The following KCNAB1 variants were observed in gnomAD, a reference collection of about 807,000 sequenced individuals.
The protein encoded by KCNAB1 is potassium voltage-gated channel subfamily A regulatory beta subunit 1.
In KCNAB1, 35 loss-of-function variants were observed where a neutral mutation model predicts 64.6. That is an observed-to-expected ratio of 0.54 (90% CI 0.41 to 0.72). KCNAB1 has a LOEUF of 0.72. KCNAB1 is among the 30% of genes least tolerant of loss of function. The pLI is 0.00. For synonymous variants in KCNAB1, 177 were observed against 183.8 expected, an observed-to-expected ratio of 0.96 and a Z score of 0.30; for missense variants, 401 against 512.9, an observed-to-expected ratio of 0.78 and a Z score of 2.11.
chr3:156,273,267 G>A (rs1293365135), intron 1 of KCNAB1, among the ~76,000 whole-genome samples: 2 of 152,206 alleles, frequency 1.3e-5, no homozygotes, highest in Non-Finnish European at 2.9e-5. Flanking sequence ...CTGGCTCTGA[G>A]CACAGCATAG....
intron 7 of KCNAB1, 47 bp from the exon 8 acceptor site, chr3:156,474,687 G>C: frequency 7.5e-7 from 1 of 1,337,066 alleles, no homozygotes; most frequent in Non-Finnish European, 1.1e-6. Flanking sequence ...ACTCTGAATA[G>C]TGCTCATATT....
In KCNAB1 at chr3:156,123,642, C is replaced by T. The variant is rs527379373; in HGVS notation, c.275+2756C>T. Reference sequence around the variant, plus strand: ...ACAATCTAATATACTTTGCTTAATACAGATTTATTGTTCATCTAGAGTTGA... The same window carrying T: ...ACAATCTAATATACTTTGCTTAATATAGATTTATTGTTCATCTAGAGTTGA... On this transcript the variant is annotated intron_variant, in intron 1 of 13. Transcript: ENST00000490337. Among the ~76,000 whole-genome samples, 6 of 152,260 alleles carry T rather than the reference C, an allele frequency of 3.9e-5. 1 individual carries two copies. Among genetic ancestry groups the T allele is most frequent in the African/African-American group, 1.2e-4 (5 of 41,542 alleles).
At chr3:156,526,418 A>G (rs1028888975) in intron 12 of KCNAB1, among the ~76,000 whole-genome samples, 4 of 152,364 alleles carry the variant, frequency 2.6e-5, no homozygotes, top group South Asian at 2.1e-4. Context: ...CTTTAACCCA[A>G]TATAGCCAAA....
At chr3:156,408,636 C>T (rs1011925529) in intron 1 of KCNAB1, among the ~76,000 whole-genome samples, 6 of 151,888 alleles carry the variant, frequency 4.0e-5, no homozygotes, top group South Asian at 4.2e-4. Flanking sequence ...AAAAATTAGC[C>T]GGGTGTGGTG....
At chr3:156,128,536 T>C (rs1038683994) in intron 1 of KCNAB1, among the ~76,000 whole-genome samples, 1 of 152,204 alleles carries the variant, frequency 6.6e-6, no homozygotes, top group Non-Finnish European at 1.5e-5. Flanking sequence ...GTATCCTTGT[T>C]TATAAAATGT....
At chr3:156,436,252 C>T (rs1045750756) in intron 2 of KCNAB1, among the ~76,000 whole-genome samples, 1 of 152,106 alleles carries the variant, frequency 6.6e-6, no homozygotes, top group Admixed American at 6.5e-5. Context: ...CATCTCATTC[C>T]TTTTTATGGC....
intron 1 of KCNAB1, among the ~76,000 whole-genome samples, chr3:156,219,432 T>C (rs1233310768): frequency 6.6e-6 from 1 of 151,936 alleles, no homozygotes; most frequent in Non-Finnish European, 1.5e-5. Flanking sequence ...ATTTAAAAAA[T>C]GAACAAAACC....
chr3:156,124,383 A>AT (rs1213645633), intron 1 of KCNAB1, among the ~76,000 whole-genome samples: 3 of 151,776 alleles, frequency 2.0e-5, no homozygotes, highest in Admixed American at 6.5e-5. Context: ...CGCCCAGCTA[A>AT]TTTTTGTATT....
intron 2 of KCNAB1, among the ~76,000 whole-genome samples, chr3:156,429,338 C>T (rs1379827124): frequency 1.3e-5 from 2 of 152,142 alleles, no homozygotes; most frequent in Admixed American, 1.3e-4. Flanking sequence ...GAGGCATTTC[C>T]AACTGGACTG....
At chr3:156,292,180 C>T (rs970144581) in intron 1 of KCNAB1, 3 of 1,578,592 alleles carry the variant, frequency 1.9e-6, no homozygotes, top group Non-Finnish European at 2.6e-6. Flanking sequence ...TATACAGGTG[C>T]AGTGGAGACA....
chr3:156,305,450 C>A (rs776116431), intron 1 of KCNAB1, among the ~76,000 whole-genome samples: 11 of 152,182 alleles, frequency 7.2e-5, no homozygotes, highest in Admixed American at 4.6e-4. Flanking sequence ...GATTGCATTA[C>A]AATACAACCC....
chr3:156,512,520 T>C (rs1717281329), intron 8 of KCNAB1, among the ~76,000 whole-genome samples: 1 of 152,236 alleles, frequency 6.6e-6, no homozygotes, highest in African/African-American at 2.4e-5. Context: ...ACCTAGTAGA[T>C]ACTGTTGATT....
intron 2 of KCNAB1, among the ~76,000 whole-genome samples, chr3:156,448,318 T>C (rs1200705996): frequency 6.6e-6 from 1 of 152,206 alleles, no homozygotes; most frequent in African/African-American, 2.4e-5. Context: ...CATGTTCTCA[T>C]TAGAGGGAGA....
chr3:156,148,624 T>C (rs993517289), intron 1 of KCNAB1, among the ~76,000 whole-genome samples: 5 of 152,220 alleles, frequency 3.3e-5, no homozygotes, highest in African/African-American at 1.2e-4. Flanking sequence ...AAGTCACATA[T>C]GTGAAAGTGC....
At chr3:156,226,688 A>G (rs1382767761) in intron 1 of KCNAB1, among the ~76,000 whole-genome samples, 2 of 142,626 alleles carry the variant, frequency 1.4e-5, no homozygotes, top group Non-Finnish European at 3.0e-5. Context: ...TTCCCCAAAA[A>G]CCTATTGAAA....
intron 2 of KCNAB1, among the ~76,000 whole-genome samples, chr3:156,444,989 G>A (rs774907829): frequency 2.0e-5 from 3 of 152,152 alleles, no homozygotes; most frequent in Non-Finnish European, 2.9e-5. Flanking sequence ...AAGAAGAAAG[G>A]CAAGTCAGGG....
At chr3:156,397,712 T>A (rs1409700573) in intron 1 of KCNAB1, among the ~76,000 whole-genome samples, 1 of 152,176 alleles carries the variant, frequency 6.6e-6, no homozygotes, top group African/African-American at 2.4e-5. Flanking sequence ...CAGGGACCCA[T>A]CCTTTTACAG....
At chr3:156,530,875 A>G (rs1165104693) in intron 12 of KCNAB1, among the ~76,000 whole-genome samples, 1 of 152,150 alleles carries the variant, frequency 6.6e-6, no homozygotes, top group Non-Finnish European at 1.5e-5. Flanking sequence ...TTGTGGGCCA[A>G]GGTAGAAACA....
chr3:156,214,870 G>C lies in KCNAB1; in HGVS notation c.275+93984G>C, dbSNP rs182045183. 2.8e-3 allele frequency among the ~76,000 whole-genome samples: 422 copies of C among 152,258 alleles called. 3 individuals are homozygous for C. Among genetic ancestry groups the C allele is most frequent in the African/African-American group, 9.4e-3 (390 of 41,546 alleles). Reference sequence around the variant, plus strand: ...GATAATGGGATTGATGTGTTTGCACGAAACACATCAGGCTGTCGCCCGCCA... The same window carrying C: ...GATAATGGGATTGATGTGTTTGCACCAAACACATCAGGCTGTCGCCCGCCA... On this transcript the variant is annotated intron_variant, in intron 1 of 13. Transcript: ENST00000490337.
Sources: gnomAD v4.1 joint callset for allele counts (sites outside exome capture counted in the v4.1 genomes callset) on GRCh38, gnomAD v4.1.1 for gene constraint, MANE v1.5 for transcripts, NCBI Gene and HGNC (gene_info 2026-07-23, HGNC 2026-07-21) for gene names.